Variants in MRPS6 observed in about 807,000 individuals in gnomAD.
The protein encoded by MRPS6 is small ribosomal subunit protein bS6m.
MRPS6 carries 6 observed loss-of-function variants against 13.1 expected under a neutral mutation model. The observed-to-expected ratio is 0.46, with a 90% CI of 0.25 to 0.91. MRPS6 has a LOEUF of 0.91. MRPS6 is among the 40% of genes least tolerant of loss of function. The pLI, the probability that MRPS6 is intolerant of heterozygous loss-of-function variation, is 0.18. For synonymous variants in MRPS6, 61 were observed against 56.5 expected, an observed-to-expected ratio of 1.08 and a Z score of -0.36; for missense variants, 164 against 155.6, an observed-to-expected ratio of 1.05 and a Z score of -0.29.
At chr21:34,085,130 G>T (rs1978324884) in intron 1 of MRPS6, among the ~76,000 whole-genome samples, 1 of 152,176 alleles carries the variant, frequency 6.6e-6, no homozygotes, top group South Asian at 2.1e-4. Flanking sequence ...TTCAATCAAG[G>T]ATCATATATT....
chr21:34,105,576 T>C, intron 1 of MRPS6: 2 of 1,000,158 alleles, frequency 2.0e-6, no homozygotes, highest in African/African-American at 1.7e-5. Flanking sequence ...AGATTTTTTG[T>C]AAGAGACCAG....
At chr21:34,102,802 C>G in intron 1 of MRPS6, 1 of 1,000,010 alleles carries the variant, frequency 1.0e-6, no homozygotes, top group Non-Finnish European at 1.2e-6. Flanking sequence ...TAATTGTTGT[C>G]CATGATACTG....
At chr21:34,078,016 A>T (rs1989374281) in intron 1 of MRPS6, among the ~76,000 whole-genome samples, 2 of 152,166 alleles carry the variant, frequency 1.3e-5, no homozygotes, top group Admixed American at 1.3e-4. Flanking sequence ...CTGAAGTATG[A>T]GTCAGGTCAA....
chr21:34,138,686 A>T (rs1980791029), intron 2 of MRPS6, among the ~76,000 whole-genome samples: 1 of 152,114 alleles, frequency 6.6e-6, no homozygotes, highest in Admixed American at 6.5e-5. Flanking sequence ...GTCAGGAAAC[A>T]ACAGGTGCTG....
chr21:34,118,301 A>G (rs556616795), intron 1 of MRPS6, among the ~76,000 whole-genome samples: 164 of 152,248 alleles, frequency 1.1e-3, no homozygotes, highest in African/African-American at 3.8e-3. Flanking sequence ...TATGTGTATT[A>G]TATACTGTAT....
In MRPS6 at chr21:34,082,355, A is replaced by G. The variant is rs1006327132; in HGVS notation, c.45+8610A>G. ...AGGCTAAAATATACATGTAGGCTTC[A>G]GAGCTGCACCGTGTAAACTGTGAGG... On this transcript the variant is annotated intron_variant, in intron 1 of 2. Coordinates refer to ENST00000399312, the MANE Select transcript of MRPS6 (RefSeq NM_032476.4). Among the ~76,000 whole-genome samples, 5 of 152,210 alleles carry G rather than the reference A, an allele frequency of 3.3e-5. 1 individual carries two copies. Among genetic ancestry groups the G allele is most frequent in the African/African-American group, 1.2e-4 (5 of 41,450 alleles).
At chr21:34,084,938 G>A (rs181088369) in intron 1 of MRPS6, among the ~76,000 whole-genome samples, 68 of 151,918 alleles carry the variant, frequency 4.5e-4, no homozygotes, top group African/African-American at 1.6e-3. Context: ...TTTAATCTGC[G>A]TTATTTTGAG....
chr21:34,132,738 A>T (rs761370110), intron 2 of MRPS6, among the ~76,000 whole-genome samples: 5 of 152,138 alleles, frequency 3.3e-5, no homozygotes, highest in African/African-American at 1.2e-4. Context: ...CAGTTTGCTC[A>T]TGTGAAAGGT....
chr21:34,101,888 AGTG>A, intron 1 of MRPS6: 2 of 1,000,230 alleles, frequency 2.0e-6, no homozygotes, highest in Non-Finnish European at 2.4e-6. Flanking sequence ...AGAGAGCAGT[AGTG>A]ATCATTTATG....
intron 1 of MRPS6, among the ~76,000 whole-genome samples, chr21:34,107,254 T>TA (rs1979517814): frequency 6.6e-6 from 1 of 152,216 alleles, no homozygotes; most frequent in Non-Finnish European, 1.5e-5. Context: ...TTTAAAGTAA[T>TA]ACAGGCCAAT....
chr21:34,089,671 C>G (rs1978580378), intron 1 of MRPS6, among the ~76,000 whole-genome samples: 1 of 152,012 alleles, frequency 6.6e-6, no homozygotes, highest in Admixed American at 6.6e-5. Flanking sequence ...CACTCCTGTC[C>G]CGGGAGAAAC....
chr21:34,130,883 T>A (rs8130219), intron 2 of MRPS6, among the ~76,000 whole-genome samples: 13,789 of 147,758 alleles, frequency 0.093, 773 homozygotes, highest in Middle Eastern at 0.16. Context: ...TTCATAGAAG[T>A]GGTGATTCTA....
chr21:34,135,214 G>A (rs1265566291), intron 2 of MRPS6, among the ~76,000 whole-genome samples: 3 of 152,074 alleles, frequency 2.0e-5, no homozygotes, highest in East Asian at 1.9e-4. Flanking sequence ...GAACATTTGT[G>A]TACAAGTTGT....
At chr21:34,102,306 CAATGCTGAG>C (rs1434032964) in intron 1 of MRPS6, 22 of 998,334 alleles carry the variant, frequency 2.2e-5, no homozygotes, top group Non-Finnish European at 2.5e-5. Context: ...TCTCTCTCTT[CAATGCTGAG>C]AATAAGGCTT....
intron 1 of MRPS6, among the ~76,000 whole-genome samples, chr21:34,075,544 CAAAAAAAA>C (rs1989308036): frequency 6.7e-6 from 1 of 148,434 alleles, no homozygotes; most frequent in African/African-American, 2.5e-5. Flanking sequence ...GGAAGGGGGG[CAAAAAAAA>C]GAAAAAAAGC....
At chr21:34,105,262 A>C in intron 1 of MRPS6, 1 of 1,000,176 alleles carries the variant, frequency 1.0e-6, no homozygotes. Context: ...GTCCAGACCC[A>C]TGTTGGCAAT....
chr21:34,125,245 C>T, intron 1 of MRPS6, 96 bp from the exon 2 acceptor site: 1 of 1,500,970 alleles, frequency 6.7e-7, no homozygotes. Flanking sequence ...ACCAGTAGAG[C>T]TGTTATGATT....
At chr21:34,076,009 G>T (rs1396421947) in intron 1 of MRPS6, among the ~76,000 whole-genome samples, 2 of 152,152 alleles carry the variant, frequency 1.3e-5, no homozygotes, top group Non-Finnish European at 2.9e-5. Context: ...TCAAAGTTGC[G>T]TATCTTCCAC....
At chr21:34,118,737 A>G (rs1280520555) in intron 1 of MRPS6, among the ~76,000 whole-genome samples, 1 of 150,422 alleles carries the variant, frequency 6.6e-6, no homozygotes, top group African/African-American at 2.4e-5. Context: ...CTGGTCTCAA[A>G]CTCCTGGCCT....
Sources: allele counts gnomAD v4.1 joint callset (sites outside exome capture counted in the v4.1 genomes callset), GRCh38; gene constraint gnomAD v4.1.1; transcripts MANE v1.5; gene names NCBI Gene and HGNC (gene_info 2026-07-23, HGNC 2026-07-21).